SPIB: variants seen among roughly 807,000 people sequenced by gnomAD.
SPIB encodes transcription factor Spi-B.
Under a neutral mutation model 31.9 loss-of-function variants are expected in SPIB, and 7 were observed. That is an observed-to-expected ratio of 0.22 (90% CI 0.12 to 0.41). The LOEUF (loss-of-function observed/expected upper bound fraction) is 0.41, where lower values mean the gene tolerates loss of function less well. Among genes scored for constraint, SPIB ranks in the 10% least tolerant of loss-of-function variants. The probability of loss-of-function intolerance (pLI) is 1.00; values close to 1 mark genes in which losing one functional copy is unlikely to be tolerated. For synonymous variants in SPIB, 176 were observed against 158.9 expected (o/e 1.11, Z -0.81); for missense variants, 327 against 360.2 (o/e 0.91, Z 0.75).
intron 3 of SPIB, 95 bp downstream of exon 3, chr19:50,422,640 G>T: frequency 7.2e-7 from 1 of 1,386,158 alleles, no homozygotes; most frequent in South Asian, 1.2e-5. Flanking sequence ...TAGCACAACA[G>T]GATAAAGGTG....
At chr19:50,420,061 T>C in intron 2 of SPIB, 88 bp downstream of exon 2, 2 of 1,162,530 alleles carry the variant, frequency 1.7e-6, no homozygotes, top group Non-Finnish European at 2.3e-6. Flanking sequence ...CAGTTTCCCC[T>C]CCCACCTCTT....
chr19:50,422,989 C>T lies in SPIB; in HGVS notation c.291C>T (p.Ala97=). ...TCGAACTGGCCCCCAGCCTGGAGGC[C>T]CCGGGGCCTGGCCTCCCTGCATACC... The part of the protein sequence containing the change: ...GNLELAPSLE[A]PGPGLPAYPT... Residue 97 remains alanine (A), a synonymous_variant, in exon 4 of 6, where the codon GCC becomes GCT. Coordinates refer to ENST00000595883, the MANE Select transcript of SPIB (RefSeq NM_003121.5). The T allele has an allele frequency of 6.4e-7, 1 of 1,567,984 alleles. No individual in the cohort carries two copies. The highest frequency in any genetic ancestry group is 8.7e-7 in the Non-Finnish European group (1 of 1,155,526).
chr19:50,425,079 C>G lies in SPIB; in HGVS notation c.490+1324C>G, dbSNP rs192367872. 2.8e-3 allele frequency among the ~76,000 whole-genome samples: 426 copies of G among 151,514 alleles called. 2 individuals carry two copies. Among genetic ancestry groups the G allele is most frequent in the African/African-American group, 9.7e-3 (401 of 41,364 alleles). On this transcript the variant is annotated intron_variant, in intron 5 of 5. Coordinates refer to ENST00000595883, the MANE Select transcript of SPIB (RefSeq NM_003121.5). ...TGGAGTGCAGTGGCACGATCTCGGCCCACTGCAACCTCCACCTTCTGGGTT... is the reference window on the plus strand; with the variant it reads ...TGGAGTGCAGTGGCACGATCTCGGCGCACTGCAACCTCCACCTTCTGGGTT...
In SPIB at chr19:50,422,923, G is replaced by A. The variant is rs757637136; in HGVS notation, c.225G>A (p.Gln75=). ...AAAFSHPQAA[Q]LCYEPPTYSP... is the part of the protein sequence containing the mutation. ...CTTTTAGCCACCCCCAGGCTGCCCA[G>A]CTCTGCTACGAACCCCCCACCTACA... is the stretch of plus-strand genomic sequence containing the variant. The change falls in exon 4 of 6, where the codon CAG becomes CAA. Residue 75 remains glutamine, a synonymous_variant. Coordinates refer to ENST00000595883, the MANE Select transcript of SPIB (RefSeq NM_003121.5). 1 of 1,603,014 alleles carries A rather than the reference G, an allele frequency of 6.2e-7. No individual in the cohort carries two copies. The highest frequency in any genetic ancestry group is 8.5e-7 in the Non-Finnish European group (1 of 1,171,754).
intron 3 of SPIB, 54 bp from the exon 4 acceptor site, chr19:50,422,769 G>T (rs908826103): frequency 2.4e-6 from 3 of 1,266,464 alleles, no homozygotes; most frequent in East Asian, 2.3e-5. Flanking sequence ...GGCTTCGACT[G>T]CGAGGAGGCC....
intron 4 of SPIB, 54 bp downstream of exon 4, chr19:50,423,091 C>T (rs570741491): frequency 5.4e-5 from 47 of 876,456 alleles, no homozygotes; most frequent in Admixed American, 1.5e-4. Context: ...TGGTGGTGCA[C>T]GCCTGTAATC....
intron 2 of SPIB, 92 bp from the exon 3 acceptor site, chr19:50,422,381 T>C: frequency 9.6e-7 from 1 of 1,037,598 alleles, no homozygotes; most frequent in Non-Finnish European, 1.5e-6. Flanking sequence ...CTCTCCCATG[T>C]CTGTGTTGGA....
intron 4 of SPIB, among the ~76,000 whole-genome samples, 184 bp from the exon 5 acceptor site, chr19:50,423,421 C>T (rs926891324): frequency 1.2e-4 from 19 of 152,068 alleles, no homozygotes; most frequent in Non-Finnish European, 2.2e-4. Context: ...TGTGTTGGGC[C>T]GGCTTTGAGG....
intron 5 of SPIB, among the ~76,000 whole-genome samples, chr19:50,424,779 T>TA (rs1175613564): frequency 2.5e-4 from 37 of 147,114 alleles, no homozygotes; most frequent in Admixed American, 1.4e-4. Flanking sequence ...GACTCTGTCT[T>TA]AAAAAAAAAG....
In SPIB at chr19:50,422,886, C is replaced by G. The variant is rs773054847; in HGVS notation, c.188C>G (p.Pro63Arg). Residue 63 changes from proline (P) to arginine (R), a missense_variant, in exon 4 of 6, where the codon CCG becomes CGG. Physicochemically the swap from Pro to Arg is moderately radical, Grantham distance 103. Transcript: ENST00000595883. ...GCCACCCCCTATGAAGCCTTCGACCCGGCAGCAGCCGCTTTTAGCCACCCC... is the reference window on the plus strand; with the variant it reads ...GCCACCCCCTATGAAGCCTTCGACCGGGCAGCAGCCGCTTTTAGCCACCCC... ...VPATPYEAFD[P>R]AAAAFSHPQA... The G allele has an allele frequency of 3.7e-6, 6 of 1,611,030 alleles. No homozygotes were observed. Among genetic ancestry groups the G allele is most frequent in the Non-Finnish European group, 5.1e-6 (6 of 1,178,816 alleles).
At chr19:50,421,122 G>A (rs1228530452) in intron 2 of SPIB, among the ~76,000 whole-genome samples, 2 of 152,106 alleles carry the variant, frequency 1.3e-5, no homozygotes, top group Non-Finnish European at 2.9e-5. Flanking sequence ...TTTCCAGTTG[G>A]AGACTCATAA....
At chr19:50,422,233 C>T (rs1298265029) in intron 2 of SPIB, among the ~76,000 whole-genome samples, 4 of 152,170 alleles carry the variant, frequency 2.6e-5, no homozygotes, top group African/African-American at 4.8e-5. Context: ...GGGAGCCCAC[C>T]GTCTTAGCAG....
rs780243736 is a variant in SPIB at position 50,419,035 on chromosome 19, C to A, written c.23+50C>A. On this transcript the variant is annotated intron_variant, in intron 1 of 5. Transcript: ENST00000595883. Reference sequence around the variant, plus strand: ...ACCCGGGGTCCCCACCTGCACTGCCCCTCTGTGGGGCCTCACCCATGGGCA... The same window carrying A: ...ACCCGGGGTCCCCACCTGCACTGCCACTCTGTGGGGCCTCACCCATGGGCA... 3 of 1,547,652 alleles carry A rather than the reference C, an allele frequency of 1.9e-6. No individual in the cohort carries two copies. The East Asian group carries it at 7.3e-5, about 38-fold the overall frequency.
Position 50,422,849 on chromosome 19 carries a change from C to T in SPIB, c.151C>T (p.Pro51Ser). The T allele has an allele frequency of 6.3e-7, 1 of 1,593,110 alleles. No individual in the cohort carries two copies. The highest frequency in any genetic ancestry group is 8.5e-7 in the Non-Finnish European group (1 of 1,169,960). The change falls in exon 4 of 6, where the codon CCA becomes TCA. Residue 51 changes from proline to serine, a missense_variant. Coordinates refer to ENST00000595883, the MANE Select transcript of SPIB (RefSeq NM_003121.5). ...PDSLWDWTVA[P>S]PVPATPYEAF... is the part of the protein sequence containing the mutation. The stretch of plus-strand genomic sequence containing the variant: ...CTCCCTGTGGGACTGGACTGTGGCC[C>T]CACCTGTCCCAGCCACCCCCTATGA...
chr19:50,422,616 G>A, intron 3 of SPIB, 71 bp downstream of exon 3: 2 of 1,534,338 alleles, frequency 1.3e-6, no homozygotes, highest in Non-Finnish European at 1.8e-6. Flanking sequence ...TGAGGCCCAG[G>A]GGAGGTCATT....
Position 50,428,324 on chromosome 19 carries a change from C to A in SPIB, c.777C>A (p.Val259=), listed in dbSNP as rs1005061424. ...YQFDSALLPA[V]RRA is the part of the protein sequence containing the mutation. ...TCGACAGCGCGCTGCTGCCTGCAGTCCGCCGGGCCTGAGCACACCCGAGGC... is the reference window on the plus strand; with the variant it reads ...TCGACAGCGCGCTGCTGCCTGCAGTACGCCGGGCCTGAGCACACCCGAGGC... Residue 259 remains valine, a synonymous_variant, in exon 6 of 6, where the codon GTC becomes GTA. Coordinates refer to ENST00000595883, the MANE Select transcript of SPIB (RefSeq NM_003121.5). The surrounding 1 kb of genome is among the most constrained non-coding windows in gnomAD (Gnocchi z 6.5). 1 of 1,547,288 alleles carries A rather than the reference C, an allele frequency of 6.5e-7. No homozygotes were observed. Among genetic ancestry groups the A allele is most frequent in the African/African-American group, 1.4e-5 (1 of 73,028 alleles).
chr19:50,428,234 C>A lies in SPIB; in HGVS notation c.687C>A (p.Arg229=). The part of the protein sequence containing the change: ...RKRMTYQKLA[R]ALRNYAKTGE... Reference sequence around the variant, plus strand: ...GCATGACCTACCAGAAGCTGGCGCGCGCCCTCCGAAACTACGCCAAGACCG... The same window carrying A: ...GCATGACCTACCAGAAGCTGGCGCGAGCCCTCCGAAACTACGCCAAGACCG... The change falls in exon 6 of 6, where the codon CGC becomes CGA. Residue 229 remains arginine (R), a synonymous_variant. Coordinates refer to ENST00000595883, the MANE Select transcript of SPIB (RefSeq NM_003121.5). The surrounding 1 kb of genome is among the most constrained non-coding windows in gnomAD (Gnocchi z 6.5). 1 of 1,564,494 alleles carries A rather than the reference C, an allele frequency of 6.4e-7. No individual in the cohort carries two copies. Among genetic ancestry groups the A allele is most frequent in the East Asian group, 2.4e-5 (1 of 42,226 alleles).
rs1306977933 is a variant in SPIB, at chr19:50,422,811, C to T, written c.125-12C>T. ...AGACATCCCAGCTTCTGACTCAGTG[C>T]CCTTCCCCCAGACTCCCTGTGGGAC... On this transcript the variant is annotated splice_polypyrimidine_tract_variant and intron_variant, in intron 3 of 5. Transcript: ENST00000595883. 1.3e-6 allele frequency: 2 copies of T among 1,523,858 alleles called. No homozygotes were observed. The highest frequency in any genetic ancestry group is 2.0e-5 in the Admixed American group (1 of 50,012). The allele number at this position is 1,523,858 out of a possible 1,614,324, so 94.4% of individuals were successfully genotyped here. A position where few individuals can be genotyped will look rare whatever the true frequency, so the allele number is the denominator to read the frequency against.
chr19:50,419,851 A>C, intron 1 of SPIB, 95 bp from the exon 2 acceptor site: 1 of 1,335,348 alleles, frequency 7.5e-7, no homozygotes, highest in Non-Finnish European at 1.0e-6. Context: ...TGCGGTGGTC[A>C]CAGCTGCTGC....
Sources: allele counts gnomAD v4.1 joint callset (sites outside exome capture counted in the v4.1 genomes callset), GRCh38; gene constraint gnomAD v4.1.1; non-coding constraint Gnocchi (gnomAD v3.1); transcripts MANE v1.5; gene names NCBI Gene and HGNC (gene_info 2026-07-23, HGNC 2026-07-21).